Variants in INTS10 observed in about 807,000 individuals in gnomAD.
The protein encoded by INTS10 is integrator complex subunit 10, also known as chromosome 8 open reading frame 35.
Under a neutral mutation model 94.4 loss-of-function variants are expected in INTS10, and 44 were observed. The observed-to-expected ratio is 0.47, with a 90% confidence interval of 0.37 to 0.60. INTS10 has a LOEUF of 0.60. Ranked by LOEUF, INTS10 falls within the 20% of genes least tolerant of loss-of-function variation. The probability of loss-of-function intolerance (pLI) is 0.00; values close to 1 mark genes in which losing one functional copy is unlikely to be tolerated. For missense variants in INTS10, 797 were observed against 868.7 expected (o/e 0.92, Z 1.04); for synonymous variants, 341 against 320.7 (o/e 1.06, Z -0.68).
chr8:19,831,514 G>A (rs1044119309), intron 10 of INTS10, among the ~76,000 whole-genome samples: 2 of 151,922 alleles, frequency 1.3e-5, no homozygotes, highest in African/African-American at 4.8e-5. Flanking sequence ...GCAAAACCCC[G>A]TCTCTATAAA....
chr8:19,845,524 G>GT, intron 15 of INTS10, 180 bp from the exon 16 acceptor site: 1 of 599,600 alleles, frequency 1.7e-6, no homozygotes, highest in Non-Finnish European at 3.0e-6. Context: ...TCTGCAGTTA[G>GT]TGGGGTAGCA....
intron 5 of INTS10, among the ~76,000 whole-genome samples, chr8:19,822,948 CA>C (rs150654357): frequency 1.3e-3 from 152 of 118,946 alleles, no homozygotes; most frequent in Middle Eastern, 4.2e-3. Flanking sequence ...GACTCTGTCT[CA>C]AAAAAAAAAA....
At chr8:19,836,046 G>A (rs2067634595) in intron 12 of INTS10, among the ~76,000 whole-genome samples, 1 of 152,058 alleles carries the variant, frequency 6.6e-6, no homozygotes, top group South Asian at 2.1e-4. Context: ...CCTAAGGCAT[G>A]CAAGACTTAA....
chr8:19,817,440 C>G lies in INTS10; in HGVS notation c.-98C>G. The G allele has an allele frequency of 6.7e-7, 1 of 1,489,822 alleles. No homozygotes were observed. Among genetic ancestry groups the G allele is most frequent in the Non-Finnish European group, 9.0e-7 (1 of 1,114,616 alleles). The allele number at this position is 1,489,822 out of a possible 1,614,324, so 92.3% of individuals were successfully genotyped here. On this transcript the variant is annotated 5_prime_UTR_variant, in exon 1 of 17. Coordinates refer to ENST00000397977, the MANE Select transcript of INTS10 (RefSeq NM_018142.4). Reference sequence around the variant, plus strand: ...CAGACATGCGCAGTAGCCTCCCCCGCGGTGGCGGCGGCGGCGGCGGTGGCT... The same window carrying G: ...CAGACATGCGCAGTAGCCTCCCCCGGGGTGGCGGCGGCGGCGGCGGTGGCT...
chr8:19,827,483 G>A (rs1044733945), intron 9 of INTS10, among the ~76,000 whole-genome samples: 10 of 152,138 alleles, frequency 6.6e-5, no homozygotes, highest in Non-Finnish European at 1.5e-4. Context: ...TAGAGTACAA[G>A]CTCCGTGGGG....
chr8:19,838,150 G>A (rs1349498153), intron 13 of INTS10, among the ~76,000 whole-genome samples: 1 of 152,152 alleles, frequency 6.6e-6, no homozygotes, highest in Non-Finnish European at 1.5e-5. Context: ...GAGCCTAGAA[G>A]TTCGAGACCA....
chr8:19,832,864 A>T (rs2067341875), intron 11 of INTS10, among the ~76,000 whole-genome samples: 1 of 152,186 alleles, frequency 6.6e-6, no homozygotes, highest in South Asian at 2.1e-4. Flanking sequence ...ATATTTCTAA[A>T]GAAATGTTAT....
rs1448263297 is a variant in INTS10 at position 19,817,474 on chromosome 8, G to T, written c.-64G>T. On this transcript the variant is annotated 5_prime_UTR_variant, in exon 1 of 17. Coordinates refer to ENST00000397977, the MANE Select transcript of INTS10 (RefSeq NM_018142.4). ...CGGCGGCGGCGGTGGCTGCCGTGGC[G>T]GCTGAGAGTCCAGAGCCGGACGTTC... is the stretch of plus-strand genomic sequence containing the variant. 6.4e-6 allele frequency: 10 copies of T among 1,556,642 alleles called. No homozygotes were observed. The highest frequency in any genetic ancestry group is 8.7e-6 in the Non-Finnish European group (10 of 1,154,412).
At chr8:19,819,759 G>A (rs749548490) in intron 3 of INTS10, 83 bp downstream of exon 3, 3 of 981,036 alleles carry the variant, frequency 3.1e-6, no homozygotes, top group East Asian at 5.2e-5. Flanking sequence ...GTCACACCTG[G>A]GGTATTGGTA....
Position 19,836,409 on chromosome 8 carries a change from C to G in INTS10, c.1531-643C>G, listed in dbSNP as rs150817817. Among the ~76,000 whole-genome samples the G allele has an allele frequency of 2.3e-3, 343 of 152,308 alleles. 2 individuals are homozygous for G. Among genetic ancestry groups the G allele is most frequent in the African/African-American group, 7.9e-3 (328 of 41,572 alleles). On this transcript the variant is annotated intron_variant, in intron 12 of 16. Coordinates refer to ENST00000397977, the MANE Select transcript of INTS10 (RefSeq NM_018142.4). ...CTGCACAGAGGCACTCGAGGCTCCT[C>G]TCCACCAGCAGTGCATCCGTCCAGT...
At position 19,824,008 on chromosome 8, in the gene INTS10, G is replaced by A; in HGVS notation, c.800G>A (p.Gly267Glu). 3 of 1,612,544 alleles carry A rather than the reference G, an allele frequency of 1.9e-6. No homozygotes were observed. The highest frequency in any genetic ancestry group is 2.5e-6 in the Non-Finnish European group (3 of 1,179,484). The change falls in exon 7 of 17, where the codon GGA (glycine) becomes GAA (glutamate). Residue 267 changes from glycine (G) to glutamate (E), a missense_variant. Around this residue, in one of 3 missense-constraint regions of INTS10, gnomAD observed 734 missense variants for 787.8 expected, o/e 0.93. Transcript: ENST00000397977. ...ERLFKILNVVGMRCEWQMDKG... is the reference protein window; with the variant it reads ...ERLFKILNVVEMRCEWQMDKG... ...TTGTTTAAGATTTTGAATGTTGTTG[G>A]AATGAGATGTGAATGGCAGATGGAT...
chr8:19,841,388 G>T (rs1224286823), intron 13 of INTS10, among the ~76,000 whole-genome samples: 1 of 152,122 alleles, frequency 6.6e-6, no homozygotes, highest in African/African-American at 2.4e-5. Context: ...GGCATAGGCT[G>T]CCAGAAAATT....
At position 19,817,588 on chromosome 8, in the gene INTS10, G is replaced by C. The variant is rs761006930; in HGVS notation, c.51G>C (p.Leu17Phe). 1.9e-6 allele frequency: 3 copies of C among 1,608,724 alleles called. No individual in the cohort carries two copies. The highest frequency in any genetic ancestry group is 2.2e-5 in the South Asian group (2 of 89,932). Residue 17 changes from leucine to phenylalanine, a missense_variant, in exon 1 of 17, where the codon TTG (leucine) becomes TTC (phenylalanine). By Grantham distance (22) the Leu-to-Phe change is conservative. This residue lies in a region of INTS10 where 734 missense variants were observed against 787.8 expected (regional missense o/e 0.93). Transcript: ENST00000397977. Reference protein sequence around the residue: ...CEFLVQRARELVPQDLWAAKA... With the variant: ...CEFLVQRAREFVPQDLWAAKA... ...TCCTGGTGCAGCGAGCCCGGGAGTTGGTGCCGCAAGACCTGTGGGCAGCCA... is the reference window on the plus strand; with the variant it reads ...TCCTGGTGCAGCGAGCCCGGGAGTTCGTGCCGCAAGACCTGTGGGCAGCCA...
At chr8:19,820,220 T>G (rs916452830) in intron 3 of INTS10, among the ~76,000 whole-genome samples, 159 bp from the exon 4 acceptor site, 2 of 152,238 alleles carry the variant, frequency 1.3e-5, no homozygotes, top group African/African-American at 4.8e-5. Flanking sequence ...CCAGATACTA[T>G]TGGCTCCAAA....
chr8:19,828,817 A>G (rs991291827), intron 9 of INTS10, among the ~76,000 whole-genome samples: 15 of 151,996 alleles, frequency 9.9e-5, no homozygotes, highest in Non-Finnish European at 1.8e-4. Context: ...TTGGCCTCCA[A>G]AATTGCTGGG....
In INTS10 at chr8:19,846,004, G is replaced by T. The variant is rs1325559797; in HGVS notation, c.1976+207G>T. 6.6e-6 allele frequency: 3 copies of T among 453,840 alleles called. No individual in the cohort carries two copies. Among genetic ancestry groups the T allele is most frequent in the South Asian group, 3.9e-5 (1 of 25,554 alleles). 28.1% of individuals were successfully genotyped at this position (453,840 alleles called of 1,614,324 possible). On this transcript the variant is annotated intron_variant, in intron 16 of 16. Transcript: ENST00000397977. This position sits in a 1 kb window ranked among gnomAD's most constrained non-coding sequence, Gnocchi z 4.2. ...CTTAAAACACTTTGCTTAAATTGGG[G>T]TATTTTTGTCACATTTGCAACTTTT... is the stretch of plus-strand genomic sequence containing the variant.
chr8:19,826,226 G>A (rs566642344), intron 8 of INTS10, among the ~76,000 whole-genome samples, 200 bp from the exon 9 acceptor site: 116 of 152,086 alleles, frequency 7.6e-4, no homozygotes, highest in African/African-American at 2.4e-3. Flanking sequence ...ATTAACAGGC[G>A]CATGCTACCA....
At chr8:19,832,967 C>G (rs1278208528) in intron 11 of INTS10, among the ~76,000 whole-genome samples, 1 of 152,156 alleles carries the variant, frequency 6.6e-6, no homozygotes, top group East Asian at 1.9e-4. Flanking sequence ...TAAAGTACCG[C>G]CAGAAAGAAC....
At chr8:19,822,101 T>C (rs1043416142) in intron 4 of INTS10, 4 of 175,660 alleles carry the variant, frequency 2.3e-5, no homozygotes, top group Non-Finnish European at 4.8e-5. Flanking sequence ...TCTTAGAAAA[T>C]CTCTCTACCT....
Sources: gnomAD v4.1 joint callset for allele counts (sites outside exome capture counted in the v4.1 genomes callset) on GRCh38, gnomAD v4.1.1 for gene constraint, gnomAD v4.1.1 regional missense constraint, Gnocchi (gnomAD v3.1) non-coding constraint, MANE v1.5 for transcripts, NCBI Gene and HGNC (gene_info 2026-07-23, HGNC 2026-07-21) for gene names.